NFIC: variants seen among roughly 807,000 people sequenced by gnomAD.
NFIC encodes nuclear factor 1 C-type.
In NFIC, 12 loss-of-function variants were observed where a neutral mutation model predicts 54.4. The ratio of observed to expected loss-of-function variants is 0.22; its 90% CI spans 0.14 to 0.36. NFIC has a LOEUF of 0.36. Ranked by LOEUF, NFIC falls within the 10% of genes least tolerant of loss-of-function variation. NFIC has a pLI of 1.00. For synonymous variants in NFIC, 322 were observed against 319.2 expected (o/e 1.01, Z -0.09); for missense variants, 575 against 718.2 (o/e 0.80, Z 2.28).
rs1488542111 is a variant in NFIC at position 3,458,310 on chromosome 19, C to G, written c.1509+1675C>G. Among the ~76,000 whole-genome samples, 1 of 152,164 alleles carries G rather than the reference C, an allele frequency of 6.6e-6. No homozygotes were observed. The highest frequency in any genetic ancestry group is 1.5e-5 in the Non-Finnish European group (1 of 68,024). Reference sequence around the variant, plus strand: ...CCTCTGCCACCCCCACCCCACATCGCTCCCTGCCCCTGCGGGAGGCTGGGA... The same window carrying G: ...CCTCTGCCACCCCCACCCCACATCGGTCCCTGCCCCTGCGGGAGGCTGGGA... On this transcript the variant is annotated intron_variant, in intron 10 of 10. Coordinates refer to ENST00000443272, the MANE Select transcript of NFIC (RefSeq NM_001245002.2). This position sits in a 1 kb window ranked among gnomAD's most constrained non-coding sequence, Gnocchi z 4.1.
At position 3,370,602 on chromosome 19, in the gene NFIC, T is replaced by TCC. The variant is rs958047358; in HGVS notation, c.30+3939_30+3940dup. ...CTTTCCCTCTTCCTTTCTCTCTCTC[T>TCC]CCCCGTCTCCCTTCTCTCCCTCTCT... On this transcript the variant is annotated intron_variant, in intron 1 of 10. Transcript: ENST00000443272. This position sits in a 1 kb window ranked among gnomAD's most constrained non-coding sequence, Gnocchi z 5.2. 6.6e-6 allele frequency among the ~76,000 whole-genome samples: 1 copy of TCC among 150,482 alleles called. No individual in the cohort carries two copies. The highest frequency in any genetic ancestry group is 2.5e-5 in the African/African-American group (1 of 40,752).
At position 3,377,280 on chromosome 19, in the gene NFIC, G is replaced by A. The variant is rs916794178; in HGVS notation, c.31-4432G>A. On this transcript the variant is annotated intron_variant, in intron 1 of 10. Transcript: ENST00000443272. ...ACCCGGGAGGTAGAGTTTGCAGTGA[G>A]CTGAGATCGCATCACTGCACTCTAG... Among the ~76,000 whole-genome samples, 5 of 139,200 alleles carry A rather than the reference G, an allele frequency of 3.6e-5. No homozygotes were observed. In the South Asian group the frequency reaches 9.2e-4, roughly 26 times the overall value. The allele number at this position is 139,200 out of a possible 152,430, so 91.3% of individuals were successfully genotyped here. A position where few individuals can be genotyped will look rare whatever the true frequency, so the allele number is the denominator to read the frequency against.
intron 2 of NFIC, 28 bp from the exon 3 acceptor site, chr19:3,425,078 C>T (rs1248975198): frequency 6.2e-7 from 1 of 1,611,998 alleles, no homozygotes; most frequent in African/African-American, 1.3e-5. Context: ...TCTGTGATGC[C>T]ACCAGTGTTT....
At chr19:3,379,964 G>A (rs1364681407) in intron 1 of NFIC, among the ~76,000 whole-genome samples, 1 of 151,892 alleles carries the variant, frequency 6.6e-6, no homozygotes, top group East Asian at 1.9e-4. Context: ...TTACAGGTGT[G>A]AGCCACCATG....
chr19:3,364,776 C>T (rs1022717528), upstream of NFIC, among the ~76,000 whole-genome samples: 11 of 152,042 alleles, frequency 7.2e-5, no homozygotes, highest in South Asian at 2.1e-4. Context: ...GTGGAAGGCA[C>T]GGGGTCTGGA....
chr19:3,415,578 AGAG>A (rs1239497090), intron 2 of NFIC, among the ~76,000 whole-genome samples: 5 of 152,100 alleles, frequency 3.3e-5, no homozygotes, highest in East Asian at 1.9e-4. Flanking sequence ...GAGGGGCAGC[AGAG>A]GAGGATGGGA....
At chr19:3,365,495 GCCC>G (rs2080868329), upstream of NFIC, among the ~76,000 whole-genome samples, 1 of 152,120 alleles carries the variant, frequency 6.6e-6, no homozygotes, top group African/African-American at 2.4e-5. Flanking sequence ...GAGGGTTGGG[GCCC>G]TGTCATCAGA....
In NFIC at chr19:3,463,307, C is replaced by G; in HGVS notation, c.*538C>G. 1 of 987,858 alleles carries G rather than the reference C, an allele frequency of 1.0e-6. No individual in the cohort carries two copies. The highest frequency in any genetic ancestry group is 1.2e-6 in the Non-Finnish European group (1 of 831,816). 61.2% of individuals were successfully genotyped at this position (987,858 alleles called of 1,614,324 possible). ...CTCTGCCGGACACGGACCGGCCCCT[C>G]AGCCCCCACCGAGGACGCAGCCACT... On this transcript the variant is annotated 3_prime_UTR_variant, in exon 11 of 11. Transcript: ENST00000443272.
chr19:3,409,957 C>A (rs1023974424), intron 2 of NFIC, among the ~76,000 whole-genome samples: 1 of 152,162 alleles, frequency 6.6e-6, no homozygotes, highest in African/African-American at 2.4e-5. Flanking sequence ...CCTGTGTTTC[C>A]CCTACTTTGG....
chr19:3,438,724 A>G (rs2082246020), intron 6 of NFIC, among the ~76,000 whole-genome samples: 1 of 151,708 alleles, frequency 6.6e-6, no homozygotes, highest in East Asian at 2.0e-4. Flanking sequence ...GGCGTGAGCC[A>G]CCGCACCCGG....
At chr19:3,440,471 G>A (rs966126150) in intron 6 of NFIC, among the ~76,000 whole-genome samples, 13 of 150,136 alleles carry the variant, frequency 8.7e-5, no homozygotes, top group African/African-American at 3.0e-4. Flanking sequence ...TCTGTCGCTC[G>A]CCCAGGCTGG....
chr19:3,397,856 G>A (rs1013011675), intron 2 of NFIC, among the ~76,000 whole-genome samples: 1 of 152,264 alleles, frequency 6.6e-6, no homozygotes, highest in Non-Finnish European at 1.5e-5. Flanking sequence ...CCACTCATGT[G>A]TCTGACGGGG....
At chr19:3,438,727 G>A (rs1302939761) in intron 6 of NFIC, among the ~76,000 whole-genome samples, 3 of 151,844 alleles carry the variant, frequency 2.0e-5, no homozygotes, top group East Asian at 1.9e-4. Flanking sequence ...GTGAGCCACC[G>A]CACCCGGCCT....
At chr19:3,424,346 G>A (rs546607206) in intron 2 of NFIC, among the ~76,000 whole-genome samples, 1 of 143,816 alleles carries the variant, frequency 7.0e-6, no homozygotes, top group South Asian at 2.4e-4. Context: ...TTATTTTTTT[G>A]TTGTTGCTTA....
intron 2 of NFIC, among the ~76,000 whole-genome samples, chr19:3,417,104 C>T (rs2081871701): frequency 6.6e-6 from 1 of 150,664 alleles, no homozygotes; most frequent in Non-Finnish European, 1.5e-5. Flanking sequence ...CCAGGATGGT[C>T]TCGATCTCCT....
intron 2 of NFIC, among the ~76,000 whole-genome samples, chr19:3,385,594 A>T (rs1281928284): frequency 1.7e-5 from 2 of 115,540 alleles, no homozygotes; most frequent in East Asian, 3.3e-4. Flanking sequence ...TTTTTTTGAG[A>T]CAGACTCTTG....
Position 3,463,865 on chromosome 19 carries a change from C to G in NFIC, c.*1096C>G. On this transcript the variant is annotated 3_prime_UTR_variant, in exon 11 of 11. Transcript: ENST00000443272. ...CCTGATTACCACCACCCGCCCCCCCCTTTGTCCAGCTGGGACACGGAATGG... is the reference window on the plus strand; with the variant it reads ...CCTGATTACCACCACCCGCCCCCCCGTTTGTCCAGCTGGGACACGGAATGG... 1.0e-6 allele frequency: 1 copy of G among 983,736 alleles called. No homozygotes were observed. The highest frequency in any genetic ancestry group is 1.2e-6 in the Non-Finnish European group (1 of 829,030). The allele number at this position is 983,736 out of a possible 1,614,324, so 60.9% of individuals were successfully genotyped here. A position where few individuals can be genotyped will look rare whatever the true frequency, so the allele number is the denominator to read the frequency against.
chr19:3,425,216 C>A lies in NFIC; in HGVS notation c.634+39C>A, dbSNP rs764891487. 14 of 1,582,560 alleles carry A rather than the reference C, an allele frequency of 8.8e-6. No individual in the cohort carries two copies. The African/African-American group carries it at 1.5e-4, about 17-fold the overall frequency. ...CAGCGTGGCGGTGAAGGGCGGAGGG[C>A]GCAGCCCTGTCCTCGTCTTTTATTT... On this transcript the variant is annotated intron_variant, in intron 3 of 10. Coordinates refer to ENST00000443272, the MANE Select transcript of NFIC (RefSeq NM_001245002.2).
At position 3,373,617 on chromosome 19, in the gene NFIC, A is replaced by AGC. The variant is rs1407300968; in HGVS notation, c.30+6951_30+6952insGC. Among the ~76,000 whole-genome samples the AGC allele has an allele frequency of 5.1e-5, 4 of 78,560 alleles. 1 individual carries two copies. Among genetic ancestry groups the AGC allele is most frequent in the Non-Finnish European group, 1.0e-4 (4 of 38,654 alleles). 51.5% of individuals were successfully genotyped at this position (78,560 alleles called of 152,430 possible). On this transcript the variant is annotated intron_variant, in intron 1 of 10. Coordinates refer to ENST00000443272, the MANE Select transcript of NFIC (RefSeq NM_001245002.2). ...CTCCTCCTGCAAGAGACCTTCCTGG[A>AGC]CCCCCCCCCCAAGCTAAAAAACACC... is the stretch of plus-strand genomic sequence containing the variant.
Sources: gnomAD v4.1 joint callset for allele counts (sites outside exome capture counted in the v4.1 genomes callset) on GRCh38, gnomAD v4.1.1 for gene constraint, Gnocchi (gnomAD v3.1) non-coding constraint, MANE v1.5 for transcripts, NCBI Gene and HGNC (gene_info 2026-07-23, HGNC 2026-07-21) for gene names.